Variants in NSRP1 observed in about 807,000 individuals in gnomAD.
The protein encoded by NSRP1 is coiled-coil domain containing 55.
In NSRP1, 24 loss-of-function variants were observed where a neutral mutation model predicts 54.7. The ratio of observed to expected loss-of-function variants is 0.44; its 90% CI spans 0.32 to 0.62. The LOEUF (loss-of-function observed/expected upper bound fraction) is 0.62. Among genes scored for constraint, NSRP1 ranks in the 20% least tolerant of loss-of-function variants. NSRP1 has a pLI of 0.06. For missense variants in NSRP1, 596 were observed against 651.2 expected (o/e 0.92, Z 0.92); for synonymous variants, 210 against 213.8 (o/e 0.98, Z 0.15).
rs749699044 is a variant in NSRP1 at position 30,185,324 on chromosome 17, G to C, written c.1327G>C (p.Gly443Arg). The change falls in exon 7 of 7, where the codon GGT (glycine) becomes CGT (arginine). Residue 443 changes from glycine (G) to arginine (R), a missense_variant. Physicochemically the swap from Gly to Arg is moderately radical, Grantham distance 125. Transcript: ENST00000247026. ...CAGAGATAGAGAAAAACGAGAGGTA[G>C]GTGTTCAGTCTTCAGAAAGAAATCA... ...KYRDREKREV[G>R]VQSSERNQDR... is the part of the protein sequence containing the mutation. 1 of 1,607,648 alleles carries C rather than the reference G, an allele frequency of 6.2e-7. No homozygotes were observed. The highest frequency in any genetic ancestry group is 8.5e-7 in the Non-Finnish European group (1 of 1,178,436).
At position 30,178,180 on chromosome 17, in the gene NSRP1, T is replaced by A. The variant is rs1905190256; in HGVS notation, c.281T>A (p.Leu94His). 2.5e-6 allele frequency: 4 copies of A among 1,605,924 alleles called. No homozygotes were observed. The East Asian group carries it at 8.9e-5, about 36-fold the overall frequency. Reference sequence around the variant, plus strand: ...AAGGAGGAAAATAATCCCAAATTGCTTTTGGGGAAAGACAGAAAGGTTTGT... The same window carrying A: ...AAGGAGGAAAATAATCCCAAATTGCATTTGGGGAAAGACAGAAAGGTTTGT... ...KKKEENNPKLLLGKDRKPKYI... is the reference protein window; with the variant it reads ...KKKEENNPKLHLGKDRKPKYI... Residue 94 changes from leucine to histidine, a missense_variant, in exon 4 of 7, where the codon CTT (leucine) becomes CAT (histidine). Coordinates refer to ENST00000247026, the MANE Select transcript of NSRP1 (RefSeq NM_032141.4).
At chr17:30,143,217 TCTCA>T (rs2071822214) in intron 2 of NSRP1, among the ~76,000 whole-genome samples, 1 of 152,154 alleles carries the variant, frequency 6.6e-6, no homozygotes, top group Non-Finnish European at 1.5e-5. Context: ...TAATCCCTCA[TCTCA>T]CTCCTGAATT....
chr17:30,117,095 T>C (rs1237323143), intron 1 of NSRP1: 2 of 762,072 alleles, frequency 2.6e-6, no homozygotes. Flanking sequence ...GAAGTTAGGC[T>C]GAGGGGCAGA....
chr17:30,184,868 T>G lies in NSRP1; in HGVS notation c.871T>G (p.Ser291Ala). ...CCACAGGAGTCAAAACCACTCTCGG[T>G]CACCTAGTGAAGAAAGAGGGCACAG... ...KHHRSQNHSR[S>A]PSEERGHSTR... Residue 291 changes from serine (S) to alanine (A), a missense_variant, in exon 7 of 7, where the codon TCA becomes GCA. By Grantham distance (99) the Ser-to-Ala change is moderately conservative. Transcript: ENST00000247026. The G allele has an allele frequency of 1.9e-6, 3 of 1,613,796 alleles. No homozygotes were observed. The highest frequency in any genetic ancestry group is 1.7e-6 in the Non-Finnish European group (2 of 1,179,926).
rs1170129431 is a variant in NSRP1 at position 30,185,184 on chromosome 17, GACA to G, written c.1192_1194del (p.Gln398del). Reference sequence around the variant, plus strand: ...TCCCAAAGAGAACAAGAAAGAGATAGACAACAAAATGATCAGAACCGACCCAGT... The same window carrying G: ...TCCCAAAGAGAACAAGAAAGAGATAGACAAAATGATCAGAACCGACCCAGT... On this transcript the variant is annotated inframe_deletion, in exon 7 of 7. Coordinates refer to ENST00000247026, the MANE Select transcript of NSRP1 (RefSeq NM_032141.4). The G allele has an allele frequency of 1.3e-6, 2 of 1,573,728 alleles. No homozygotes were observed. The highest frequency in any genetic ancestry group is 2.4e-5 in the East Asian group (1 of 42,432).
intron 2 of NSRP1, among the ~76,000 whole-genome samples, chr17:30,164,398 C>T (rs530246570): frequency 7.4e-4 from 112 of 152,218 alleles, no homozygotes; most frequent in Non-Finnish European, 1.3e-3. Context: ...CTAATGTTTG[C>T]ATTTGAACCT....
At chr17:30,156,725 A>T (rs929718979) in intron 2 of NSRP1, 1 of 151,946 alleles carries the variant, frequency 6.6e-6, no homozygotes, top group Non-Finnish European at 1.5e-5. Context: ...CTCCATGTTG[A>T]TCAGGCTGGT....
intron 2 of NSRP1, among the ~76,000 whole-genome samples, chr17:30,128,573 G>T (rs1271164027): frequency 3.9e-5 from 6 of 152,028 alleles, no homozygotes; most frequent in Non-Finnish European, 8.8e-5. Flanking sequence ...GTTGACTATT[G>T]TTTACCCAAT....
intron 2 of NSRP1, chr17:30,163,269 T>C: frequency 6.7e-6 from 1 of 148,388 alleles, no homozygotes; most frequent in Non-Finnish European, 1.5e-5. Flanking sequence ...GACGGGGTTT[T>C]ACCATGTTAG....
chr17:30,185,032 G>A lies in NSRP1; in HGVS notation c.1035G>A (p.Arg345=), dbSNP rs1394882240. 8.1e-6 allele frequency: 13 copies of A among 1,614,098 alleles called. No individual in the cohort carries two copies. The highest frequency in any genetic ancestry group is 1.1e-5 in the Non-Finnish European group (13 of 1,180,030). Residue 345 remains arginine, a synonymous_variant, in exon 7 of 7, where the codon AGG becomes AGA. Coordinates refer to ENST00000247026, the MANE Select transcript of NSRP1 (RefSeq NM_032141.4). ...RDYRKERDSH[R]HREASHRDSH... ...ACCGGAAAGAAAGGGATTCTCATAGGCACAGAGAGGCCAGTCATAGAGATT... is the reference window on the plus strand; with the variant it reads ...ACCGGAAAGAAAGGGATTCTCATAGACACAGAGAGGCCAGTCATAGAGATT...
At chr17:30,182,044 G>A (rs1381842730) in intron 6 of NSRP1, among the ~76,000 whole-genome samples, 5 of 128,240 alleles carry the variant, frequency 3.9e-5, no homozygotes, top group Admixed American at 3.7e-4. Context: ...ACTGCACCTG[G>A]CTGCTTTTTT....
At chr17:30,151,774 CTT>C (rs780507533) in intron 2 of NSRP1, among the ~76,000 whole-genome samples, 4 of 48,920 alleles carry the variant, frequency 8.2e-5, no homozygotes, top group African/African-American at 2.5e-4. Context: ...TTGTCACTTT[CTT>C]TTTTTTTTTT....
At chr17:30,161,305 T>C (rs2143005986) in intron 2 of NSRP1, among the ~76,000 whole-genome samples, 1 of 152,328 alleles carries the variant, frequency 6.6e-6, no homozygotes, top group East Asian at 1.9e-4. Flanking sequence ...TTTCTAATTA[T>C]TGTAAATGTC....
At chr17:30,176,745 C>T (rs141781655) in intron 3 of NSRP1, among the ~76,000 whole-genome samples, 229 of 151,918 alleles carry the variant, frequency 1.5e-3, no homozygotes, top group African/African-American at 5.1e-3. Flanking sequence ...AGCAGGAGTG[C>T]CAATTCAACA....
At chr17:30,141,392 T>A (rs986578152) in intron 2 of NSRP1, among the ~76,000 whole-genome samples, 1 of 152,192 alleles carries the variant, frequency 6.6e-6, no homozygotes, top group Non-Finnish European at 1.5e-5. Flanking sequence ...ATATAAAACG[T>A]TTAGAATTAG....
intron 2 of NSRP1, among the ~76,000 whole-genome samples, chr17:30,138,911 T>TC (rs1654390516): frequency 8.6e-6 from 1 of 115,980 alleles, no homozygotes; most frequent in African/African-American, 3.4e-5. Context: ...GTCTTAGCGT[T>TC]TTTTTTTTTT....
intron 1 of NSRP1, chr17:30,117,130 A>C: frequency 1.3e-6 from 1 of 741,314 alleles, no homozygotes; most frequent in Non-Finnish European, 2.5e-6. Context: ...TATTTTCCAA[A>C]AGCTCGGTCT....
At chr17:30,181,294 T>C (rs1905282873) in intron 6 of NSRP1, among the ~76,000 whole-genome samples, 1 of 152,194 alleles carries the variant, frequency 6.6e-6, no homozygotes, top group Non-Finnish European at 1.5e-5. Flanking sequence ...AGACAGACTT[T>C]TAATGTATAA....
At chr17:30,174,382 A>G (rs1905057260) in intron 3 of NSRP1, among the ~76,000 whole-genome samples, 1 of 152,192 alleles carries the variant, frequency 6.6e-6, no homozygotes, top group African/African-American at 2.4e-5. Flanking sequence ...AGCTCATCGA[A>G]TGTCTTTATC....
Sources: gnomAD v4.1 joint callset for allele counts (sites outside exome capture counted in the v4.1 genomes callset) on GRCh38, gnomAD v4.1.1 for gene constraint, MANE v1.5 for transcripts, NCBI Gene and HGNC (gene_info 2026-07-23, HGNC 2026-07-21) for gene names.